The following SMG6 variants were observed in gnomAD, a reference collection of about 807,000 sequenced individuals.
The protein encoded by SMG6 is telomerase-binding protein EST1A.
In SMG6, 66 loss-of-function variants were observed where a neutral mutation model predicts 142.2. The observed-to-expected ratio is 0.46, with a 90% confidence interval of 0.38 to 0.57. The LOEUF (loss-of-function observed/expected upper bound fraction) is 0.57, where lower values mean the gene tolerates loss of function less well. Ranked by LOEUF, SMG6 falls within the 20% of genes least tolerant of loss-of-function variation. The pLI, the probability that SMG6 is intolerant of heterozygous loss-of-function variation, is 0.00. For missense variants in SMG6, 1,793 were observed against 1,832.0 expected (o/e 0.98, Z 0.39); for synonymous variants, 779 against 702.4 (o/e 1.11, Z -1.72).
rs541539439 is a variant in SMG6 at position 2,082,904 on chromosome 17, G to C, written c.3535-948C>G. 2.0e-5 allele frequency among the ~76,000 whole-genome samples: 3 copies of C among 152,236 alleles called. No individual in the cohort carries two copies. The South Asian group carries it at 6.2e-4, about 32-fold the overall frequency. ...ATCACTTACTGAGTGCTTATTACTG[G>C]CCAGGTACCGGGCTACCCATTTTTC... is the stretch of plus-strand genomic sequence containing the variant. On this transcript the variant is annotated intron_variant, in intron 14 of 18. Transcript: ENST00000263073.
At chr17:2,292,127 G>C (rs1336911351) in intron 6 of SMG6, among the ~76,000 whole-genome samples, 1 of 152,108 alleles carries the variant, frequency 6.6e-6, no homozygotes, top group African/African-American at 2.4e-5. Context: ...GAAGTAACAG[G>C]GTCTAGGGAA....
chr17:2,082,283 T>G lies in SMG6; in HGVS notation c.3535-327A>C, dbSNP rs528678167. 322 of 242,716 alleles carry G rather than the reference T, an allele frequency of 1.3e-3. 2 individuals carry two copies. The highest frequency in any genetic ancestry group is 2.2e-3 in the Non-Finnish European group (278 of 124,346). 15.0% of individuals were successfully genotyped at this position (242,716 alleles called of 1,614,324 possible). A position where few individuals can be genotyped will look rare whatever the true frequency, so the allele number is the denominator to read the frequency against. ...CTGGTACACACTCACAAAGTCAAAC[T>G]TTAGGCCTATTTTCATTCTGAAGTC... On this transcript the variant is annotated intron_variant, in intron 14 of 18. Coordinates refer to ENST00000263073, the MANE Select transcript of SMG6 (RefSeq NM_017575.5).
At chr17:2,076,437 A>G (rs1433328269) in intron 15 of SMG6, among the ~76,000 whole-genome samples, 2 of 152,114 alleles carry the variant, frequency 1.3e-5, no homozygotes, top group Non-Finnish European at 2.9e-5. Context: ...CCCCCCTTAA[A>G]TTAAACAAAA....
intron 8 of SMG6, among the ~76,000 whole-genome samples, chr17:2,278,748 A>G (rs1335858456): frequency 6.6e-6 from 1 of 152,200 alleles, no homozygotes; most frequent in Non-Finnish European, 1.5e-5. Flanking sequence ...CTGTGCACGT[A>G]TAAAAATATC....
At chr17:2,246,179 G>A (rs2073922693) in intron 8 of SMG6, among the ~76,000 whole-genome samples, 1 of 152,108 alleles carries the variant, frequency 6.6e-6, no homozygotes, top group Non-Finnish European at 1.5e-5. Flanking sequence ...AACAAGGGAG[G>A]GAAAAAAATT....
chr17:2,073,761 T>C (rs2068179805), intron 15 of SMG6, among the ~76,000 whole-genome samples: 1 of 143,898 alleles, frequency 6.9e-6, no homozygotes, highest in African/African-American at 2.6e-5. Context: ...CTGACCAACA[T>C]GGTGAAACCC....
chr17:2,230,388 G>A (rs1008593585), intron 10 of SMG6, among the ~76,000 whole-genome samples: 2 of 133,604 alleles, frequency 1.5e-5, no homozygotes, highest in East Asian at 2.2e-4. Context: ...CAAAAGAAAC[G>A]AAATCTGGGC....
intron 10 of SMG6, among the ~76,000 whole-genome samples, chr17:2,228,084 G>T (rs979239576): frequency 1.3e-5 from 2 of 152,152 alleles, no homozygotes; most frequent in Admixed American, 1.3e-4. Context: ...CTTTTTTTGA[G>T]ACAAACTCTC....
intron 14 of SMG6, among the ~76,000 whole-genome samples, chr17:2,084,210 G>A (rs950733034): frequency 5.3e-5 from 8 of 152,208 alleles, no homozygotes; most frequent in East Asian, 3.8e-4. Context: ...CTGAAAGTGC[G>A]GGTGAAAGAG....
chr17:2,215,951 T>C (rs993701292), intron 10 of SMG6: 1 of 152,276 alleles, frequency 6.6e-6, no homozygotes, highest in Admixed American at 6.5e-5. Context: ...CATGTTTCAA[T>C]GCAGACAGAA....
chr17:2,288,881 C>A (rs2074967604), intron 6 of SMG6, among the ~76,000 whole-genome samples: 1 of 151,710 alleles, frequency 6.6e-6, no homozygotes. Flanking sequence ...AGATTGAGAC[C>A]ATCCTGGCTA....
At position 2,152,352 on chromosome 17, in the gene SMG6, C is replaced by T. The variant is rs1216086135; in HGVS notation, c.3357+20306G>A. On this transcript the variant is annotated intron_variant, in intron 13 of 18. Transcript: ENST00000263073. ...TCCTTATGGTCCTCTACTAAGAGAG[C>T]CTGTGAACCCTTCAGCTCTCAGCAT... 2.0e-5 allele frequency among the ~76,000 whole-genome samples: 3 copies of T among 152,184 alleles called. 1 individual carries two copies. Among genetic ancestry groups the T allele is most frequent in the Admixed American group, 1.3e-4 (2 of 15,274 alleles).
intron 8 of SMG6, among the ~76,000 whole-genome samples, chr17:2,257,640 G>C (rs1412027593): frequency 6.6e-6 from 1 of 151,962 alleles, no homozygotes; most frequent in Non-Finnish European, 1.5e-5. Flanking sequence ...ACCTCCTTCT[G>C]CTCCTTAAAT....
intron 10 of SMG6, among the ~76,000 whole-genome samples, chr17:2,225,571 A>G (rs75980353): frequency 0.11 from 16,471 of 152,188 alleles, 1,249 homozygotes; most frequent in Admixed American, 0.22. Context: ...AATAAATCAA[A>G]CCAAAAATAA....
intron 13 of SMG6, among the ~76,000 whole-genome samples, chr17:2,128,156 C>CTGGG (rs1008485574): frequency 6.6e-6 from 1 of 152,208 alleles, no homozygotes; most frequent in Non-Finnish European, 1.5e-5. Flanking sequence ...GGGCAAGGCC[C>CTGGG]CACAGGCACA....
At chr17:2,188,166 G>A (rs546182139) in intron 11 of SMG6, among the ~76,000 whole-genome samples, 2 of 152,260 alleles carry the variant, frequency 1.3e-5, no homozygotes, top group Non-Finnish European at 2.9e-5. Context: ...AACTACTAAA[G>A]GAGAAAAGAG....
intron 13 of SMG6, among the ~76,000 whole-genome samples, chr17:2,130,756 A>G (rs1026692053): frequency 6.6e-6 from 1 of 151,942 alleles, no homozygotes; most frequent in Non-Finnish European, 1.5e-5. Context: ...TTAAAAAAAA[A>G]AAAACATCAA....
chr17:2,269,756 G>A (rs2074506773), intron 8 of SMG6, among the ~76,000 whole-genome samples: 1 of 152,140 alleles, frequency 6.6e-6, no homozygotes, highest in Non-Finnish European at 1.5e-5. Context: ...CAGAAACTAT[G>A]AGCTCCAGCC....
chr17:2,123,527 T>C (rs1444896945), intron 13 of SMG6, among the ~76,000 whole-genome samples: 1 of 152,186 alleles, frequency 6.6e-6, no homozygotes, highest in South Asian at 2.1e-4. Context: ...ATGAATTAAA[T>C]CTTGGCAATG....
Sources: allele counts gnomAD v4.1 joint callset (sites outside exome capture counted in the v4.1 genomes callset), GRCh38; gene constraint gnomAD v4.1.1; transcripts MANE v1.5; gene names NCBI Gene and HGNC (gene_info 2026-07-23, HGNC 2026-07-21).